The following KHDRBS3 variants were observed in gnomAD, a reference collection of about 807,000 sequenced individuals.
KHDRBS3 encodes KH RNA binding domain containing, signal transduction associated 3, also known as KH domain-containing, RNA-binding, signal transduction-associated protein 3.
KHDRBS3 carries 23 observed loss-of-function variants against 45.6 expected under a neutral mutation model. The ratio of observed to expected loss-of-function variants is 0.50; its 90% CI spans 0.36 to 0.72. The LOEUF (loss-of-function observed/expected upper bound fraction) is 0.72. Ranked by LOEUF, KHDRBS3 falls within the 30% of genes least tolerant of loss-of-function variation. The pLI, the probability that KHDRBS3 is intolerant of heterozygous loss-of-function variation, is 0.00. For missense variants in KHDRBS3, 352 were observed against 424.8 expected, an observed-to-expected ratio of 0.83 and a Z score of 1.51; for synonymous variants, 162 against 156.5, an observed-to-expected ratio of 1.04 and a Z score of -0.26.
intron 2 of KHDRBS3, among the ~76,000 whole-genome samples, chr8:135,532,837 C>T (rs1343799959): frequency 6.6e-6 from 1 of 152,012 alleles, no homozygotes; most frequent in Non-Finnish European, 1.5e-5. Context: ...TCATCTAAGT[C>T]CAGTTATATG....
At chr8:135,464,832 AC>A (rs1821618104) in intron 1 of KHDRBS3, among the ~76,000 whole-genome samples, 2 of 152,232 alleles carry the variant, frequency 1.3e-5, no homozygotes, top group Non-Finnish European at 2.9e-5. Context: ...ATAGCTAGTA[AC>A]TGGTGAATCA....
chr8:135,459,551 G>C (rs982562084), intron 1 of KHDRBS3, among the ~76,000 whole-genome samples: 5 of 152,142 alleles, frequency 3.3e-5, no homozygotes, highest in African/African-American at 1.2e-4. Context: ...TGTCATCTCT[G>C]TGAAAGAAAT....
intron 1 of KHDRBS3, among the ~76,000 whole-genome samples, chr8:135,482,978 C>T (rs922271768): frequency 3.3e-5 from 5 of 151,880 alleles, no homozygotes; most frequent in African/African-American, 9.7e-5. Flanking sequence ...TAGGAAAGAA[C>T]GATGTACGTA....
chr8:135,522,384 A>G (rs1203229050), intron 2 of KHDRBS3, among the ~76,000 whole-genome samples: 2 of 152,138 alleles, frequency 1.3e-5, no homozygotes, highest in Non-Finnish European at 2.9e-5. Context: ...TGTCTTTGCT[A>G]TTTGTACAAG....
chr8:135,570,536 A>T (rs908614073), intron 5 of KHDRBS3, among the ~76,000 whole-genome samples: 1 of 152,214 alleles, frequency 6.6e-6, no homozygotes, highest in Admixed American at 6.5e-5. Flanking sequence ...AGATATAGGA[A>T]AATGGTAATA....
rs1823169531 is a variant in KHDRBS3 at position 135,491,844 on chromosome 8, T to C, written c.89-29393T>C. Among the ~76,000 whole-genome samples the C allele has an allele frequency of 2.0e-5, 3 of 152,104 alleles. No individual in the cohort carries two copies. The South Asian group carries it at 6.2e-4, about 32-fold the overall frequency. ...AATGGTAGGTAAAACCTAAGCCTCT[T>C]AGCAGAAATTAAGGCAGTGACAAAT... On this transcript the variant is annotated intron_variant, in intron 1 of 8. Transcript: ENST00000355849.
intron 1 of KHDRBS3, chr8:135,459,044 GT>G (rs1315671025): frequency 4.6e-6 from 2 of 437,808 alleles, no homozygotes; most frequent in African/African-American, 4.1e-5. Context: ...GGTCAGATCT[GT>G]TACCTTTTGC....
intron 6 of KHDRBS3, among the ~76,000 whole-genome samples, chr8:135,599,353 G>C (rs1563796604): frequency 6.6e-6 from 1 of 152,184 alleles, no homozygotes; most frequent in Non-Finnish European, 1.5e-5. Flanking sequence ...ATAATGTTCT[G>C]ATATCAAAAG....
chr8:135,510,913 C>T (rs1003042961), intron 1 of KHDRBS3, among the ~76,000 whole-genome samples: 2 of 152,208 alleles, frequency 1.3e-5, no homozygotes, highest in African/African-American at 2.4e-5. Context: ...CTCTTCCCCC[C>T]ACCTTTTTTA....
chr8:135,573,644 T>G lies in KHDRBS3; in HGVS notation c.612-8234T>G, dbSNP rs967869934. On this transcript the variant is annotated intron_variant, in intron 5 of 8. Coordinates refer to ENST00000355849, the MANE Select transcript of KHDRBS3 (RefSeq NM_006558.3). ...ATGTGTTGGAACCCAAAGTGTATGC[T>G]TTTTCATTACATCTTAAAAGTTTGT... Among the ~76,000 whole-genome samples, 6 of 152,364 alleles carry G rather than the reference T, an allele frequency of 3.9e-5. No individual in the cohort carries two copies. In the South Asian group the frequency reaches 1.2e-3, roughly 32 times the overall value.
intron 3 of KHDRBS3, among the ~76,000 whole-genome samples, chr8:135,545,515 G>A (rs937113235): frequency 6.6e-6 from 1 of 152,136 alleles, no homozygotes; most frequent in African/African-American, 2.4e-5. Context: ...CATAAGAGAC[G>A]GCTGAGCATC....
intron 1 of KHDRBS3, among the ~76,000 whole-genome samples, chr8:135,490,845 C>A (rs1355151961): frequency 6.6e-6 from 1 of 152,102 alleles, no homozygotes; most frequent in African/African-American, 2.4e-5. Context: ...GTGTTCCTGG[C>A]CAAATGAACC....
At chr8:135,507,132 A>G (rs1824041945) in intron 1 of KHDRBS3, among the ~76,000 whole-genome samples, 1 of 152,168 alleles carries the variant, frequency 6.6e-6, no homozygotes, top group Non-Finnish European at 1.5e-5. Flanking sequence ...TCCTATAATT[A>G]TTGGCAAATT....
chr8:135,510,660 C>A (rs143024124), intron 1 of KHDRBS3, among the ~76,000 whole-genome samples: 1 of 152,346 alleles, frequency 6.6e-6, no homozygotes, highest in Non-Finnish European at 1.5e-5. Flanking sequence ...GTCTCAATCT[C>A]CTGACGTAAT....
chr8:135,490,445 C>T lies in KHDRBS3; in HGVS notation c.89-30792C>T, dbSNP rs924905461. On this transcript the variant is annotated intron_variant, in intron 1 of 8. Transcript: ENST00000355849. ...CCTGCCATTCCCATCTTAATAGTGT[C>T]AAAGTCACTTTTTTAGGTTTATAGG... is the stretch of plus-strand genomic sequence containing the variant. 2.6e-5 allele frequency among the ~76,000 whole-genome samples: 4 copies of T among 152,092 alleles called. No homozygotes were observed. The South Asian group carries it at 8.3e-4, about 32-fold the overall frequency.
At chr8:135,613,441 A>C (rs1389709044) in intron 7 of KHDRBS3, among the ~76,000 whole-genome samples, 1 of 151,760 alleles carries the variant, frequency 6.6e-6, no homozygotes, top group East Asian at 1.9e-4. Flanking sequence ...AGGCTGAAAG[A>C]GACAGGAAAG....
intron 7 of KHDRBS3, among the ~76,000 whole-genome samples, chr8:135,637,521 TAATC>T (rs1478391778): frequency 6.6e-6 from 1 of 152,114 alleles, no homozygotes; most frequent in Non-Finnish European, 1.5e-5. Context: ...CGGGGCAAAA[TAATC>T]AAGAAAAATT....
rs780957589 is a variant in KHDRBS3 at position 135,581,950 on chromosome 8, C to T, written c.684C>T (p.Val228=). 6 of 1,613,468 alleles carry T rather than the reference C, an allele frequency of 3.7e-6. No individual in the cohort carries two copies. Among genetic ancestry groups the T allele is most frequent in the Non-Finnish European group, 5.1e-6 (6 of 1,179,656 alleles). ...GAGGGACGCCAACTCCCAGAGGAGT[C>T]CTGTCCACCCGAGGGCCAGTGAGTC... ...VPRGTPTPRG[V]LSTRGPVSRG... is the part of the protein sequence containing the mutation. The change falls in exon 6 of 9, where the codon GTC becomes GTT. Residue 228 remains valine (V), a synonymous_variant. Coordinates refer to ENST00000355849, the MANE Select transcript of KHDRBS3 (RefSeq NM_006558.3).
chr8:135,581,880 GA>G lies in KHDRBS3; in HGVS notation c.616del (p.Arg206GlyfsTer12). 1 of 1,583,312 alleles carries G rather than the reference GA, an allele frequency of 6.3e-7. No individual in the cohort carries two copies. The highest frequency in any genetic ancestry group is 2.3e-5 in the East Asian group (1 of 43,882). ...RGVPAPAITR[G>X]RGGVTARPVG... ...TAATTTGACTCTCTTGGTTACAGGG[GA>G]AGGGGAGGAGTTACAGCCCGGCCAG... On this transcript the variant is annotated frameshift_variant, in exon 6 of 9. Transcript: ENST00000355849. LOFTEE classifies it high-confidence loss of function.
Sources: gnomAD v4.1 joint callset for allele counts (sites outside exome capture counted in the v4.1 genomes callset) on GRCh38, gnomAD v4.1.1 for gene constraint, MANE v1.5 for transcripts, NCBI Gene and HGNC (gene_info 2026-07-23, HGNC 2026-07-21) for gene names.